The following VPS50 variants were observed in gnomAD, a reference collection of about 807,000 sequenced individuals.
VPS50 encodes the protein syndetin.
VPS50 carries 70 observed loss-of-function variants against 139.7 expected under a neutral mutation model. The observed-to-expected ratio is 0.50, with a 90% CI of 0.41 to 0.61. The LOEUF (loss-of-function observed/expected upper bound fraction) is 0.61. VPS50 is among the 20% of genes least tolerant of loss of function. The pLI, the probability that VPS50 is intolerant of heterozygous loss-of-function variation, is 0.00. For missense variants in VPS50, 921 were observed against 1,133.7 expected (o/e 0.81, Z 2.69); for synonymous variants, 365 against 376.7 (o/e 0.97, Z 0.36).
intron 2 of VPS50, among the ~76,000 whole-genome samples, chr7:93,252,324 A>G (rs778936848): frequency 2.6e-5 from 4 of 152,182 alleles, no homozygotes; most frequent in East Asian, 1.9e-4. Flanking sequence ...TAAAATTTAT[A>G]TATCTGTGAT....
At chr7:93,304,609 A>G (rs890555098) in intron 17 of VPS50, among the ~76,000 whole-genome samples, 3 of 151,900 alleles carry the variant, frequency 2.0e-5, no homozygotes, top group African/African-American at 7.2e-5. Flanking sequence ...TAGAATATCT[A>G]TTAAATAATT....
intron 5 of VPS50, 105 bp from the exon 6 acceptor site, chr7:93,257,289 G>A: frequency 1.6e-6 from 1 of 624,874 alleles, no homozygotes; most frequent in Admixed American, 3.0e-5. Context: ...TGTTTTTCAA[G>A]CAGGTTTTCT....
At chr7:93,257,314 A>G in intron 5 of VPS50, 80 bp from the exon 6 acceptor site, 1 of 786,650 alleles carries the variant, frequency 1.3e-6, no homozygotes, top group Non-Finnish European at 2.1e-6. Flanking sequence ...ATCTGACTAG[A>G]GTTTTTGTTA....
At chr7:93,344,713 T>G (rs1328500312) in intron 23 of VPS50, among the ~76,000 whole-genome samples, 2 of 150,522 alleles carry the variant, frequency 1.3e-5, no homozygotes, top group African/African-American at 5.0e-5. Context: ...AAACTGAACC[T>G]GCTCCTGAAT....
chr7:93,352,063 GA>G (rs1013832456), intron 25 of VPS50, among the ~76,000 whole-genome samples: 5 of 152,084 alleles, frequency 3.3e-5, no homozygotes, highest in Non-Finnish European at 7.4e-5. Flanking sequence ...AGAATCATAA[GA>G]AAAATGAAAT....
chr7:93,343,243 A>T (rs1470185389), intron 23 of VPS50, among the ~76,000 whole-genome samples: 1 of 152,214 alleles, frequency 6.6e-6, no homozygotes, highest in African/African-American at 2.4e-5. Context: ...GCGATGGAAG[A>T]TGAAATGAAT....
chr7:93,349,995 A>G lies in VPS50; in HGVS notation c.2425A>G (p.Met809Val). The change falls in exon 25 of 28, where the codon ATG becomes GTG. Residue 809 changes from methionine to valine, a missense_variant. Around this residue, in one of 3 missense-constraint regions of VPS50, gnomAD observed 19 missense variants for 46.8 expected, o/e 0.41. Transcript: ENST00000305866. The part of the protein sequence containing the change: ...ANVKWDVKEI[M>V]SQHNIYVDAL... ...TGTGAAATGGGATGTAAAAGAAATT[A>G]TGTCACAGCACAACATATATGTAGA... is the stretch of plus-strand genomic sequence containing the variant. The G allele has an allele frequency of 6.2e-7, 1 of 1,613,416 alleles. No homozygotes were observed. Among genetic ancestry groups the G allele is most frequent in the Non-Finnish European group, 8.5e-7 (1 of 1,179,484 alleles).
At chr7:93,263,901 AAAT>A (rs1431657104) in intron 9 of VPS50, among the ~76,000 whole-genome samples, 2 of 152,208 alleles carry the variant, frequency 1.3e-5, no homozygotes, top group African/African-American at 2.4e-5. Flanking sequence ...GCAATCATAA[AAAT>A]AATAAAAATA....
intron 6 of VPS50, 23 bp from the exon 7 acceptor site, chr7:93,258,136 C>T: frequency 1.0e-6 from 1 of 977,414 alleles, no homozygotes; most frequent in Non-Finnish European, 1.6e-6. Context: ...AAACTTTTAA[C>T]TATTTATTGT....
intron 19 of VPS50, among the ~76,000 whole-genome samples, chr7:93,309,839 GCTTAATGATAGATTT>G (rs1426541634): frequency 2.6e-5 from 4 of 151,776 alleles, no homozygotes; most frequent in Non-Finnish European, 4.4e-5. Flanking sequence ...TATACTTTTT[GCTTAATGATAGATTT>G]CTTAATGATA....
chr7:93,285,801 A>C (rs1444273260), intron 12 of VPS50, among the ~76,000 whole-genome samples: 1 of 152,186 alleles, frequency 6.6e-6, no homozygotes, highest in African/African-American at 2.4e-5. Flanking sequence ...AAATTGGATT[A>C]AGGAATGAAT....
intron 20 of VPS50, among the ~76,000 whole-genome samples, chr7:93,318,660 CT>C (rs1797502790): frequency 6.6e-6 from 1 of 152,124 alleles, no homozygotes; most frequent in Admixed American, 6.5e-5. Context: ...GTGCTTTTTA[CT>C]TTTGTAGGAA....
intron 8 of VPS50, 186 bp from the exon 9 acceptor site, chr7:93,259,364 A>G (rs1340919054): frequency 6.9e-6 from 3 of 436,596 alleles, no homozygotes; most frequent in Admixed American, 8.0e-5. Flanking sequence ...TTCTATGTAT[A>G]TATTTTAGGC....
intron 20 of VPS50, chr7:93,320,241 C>T (rs1042698216): frequency 2.7e-5 from 4 of 150,844 alleles, no homozygotes; most frequent in Non-Finnish European, 4.4e-5. Flanking sequence ...TTTATGGGGA[C>T]TGATTCTCTA....
rs1025522644 is a variant in VPS50 at position 93,360,113 on chromosome 7, A to C, written c.*1677A>C. ...ATTTAGCTGGGCACATAAAGAGCTA[A>C]TCAATCTTTTAAAATTTGCAGTTGA... is the stretch of plus-strand genomic sequence containing the variant. On this transcript the variant is annotated 3_prime_UTR_variant, in exon 28 of 28. Coordinates refer to ENST00000305866, the MANE Select transcript of VPS50 (RefSeq NM_017667.4). 5.3e-5 allele frequency: 8 copies of C among 152,140 alleles called. No homozygotes were observed. Among genetic ancestry groups the C allele is most frequent in the Non-Finnish European group, 1.2e-4 (8 of 68,020 alleles). The allele number at this position is 152,140 out of a possible 1,614,324, so 9.4% of individuals were successfully genotyped here.
chr7:93,325,558 A>G, intron 21 of VPS50, among the ~76,000 whole-genome samples: 1 of 152,094 alleles, frequency 6.6e-6, no homozygotes, highest in East Asian at 1.9e-4. Context: ...TCATCTGACA[A>G]AGGGCTAATA....
At chr7:93,345,442 CAA>C in intron 23 of VPS50, among the ~76,000 whole-genome samples, 1 of 152,204 alleles carries the variant, frequency 6.6e-6, no homozygotes, top group Non-Finnish European at 1.5e-5. Flanking sequence ...CTATTCCAAT[CAA>C]TAGAAAAAGA....
chr7:93,342,091 A>C (rs1236646107), intron 23 of VPS50, among the ~76,000 whole-genome samples: 4 of 152,180 alleles, frequency 2.6e-5, no homozygotes, highest in Non-Finnish European at 5.9e-5. Flanking sequence ...AGGGAGTGCC[A>C]GACAGTGGGC....
rs1795952703 is a variant in VPS50, at chr7:93,269,850, CT to C, written c.660-1369del. On this transcript the variant is annotated intron_variant, in intron 9 of 27. Coordinates refer to ENST00000305866, the MANE Select transcript of VPS50 (RefSeq NM_017667.4). ...CCCTTTGAGCTACTGGTATGTTCTT[CT>C]GTTATAGACACTGGATTAAGTACTA... is the stretch of plus-strand genomic sequence containing the variant. Among the ~76,000 whole-genome samples the C allele has an allele frequency of 3.3e-5, 5 of 151,978 alleles. No individual in the cohort carries two copies. In the South Asian group the frequency reaches 1.0e-3, roughly 31 times the overall value.
Sources: gnomAD v4.1 joint callset for allele counts (sites outside exome capture counted in the v4.1 genomes callset) on GRCh38, gnomAD v4.1.1 for gene constraint, gnomAD v4.1.1 regional missense constraint, MANE v1.5 for transcripts, NCBI Gene and HGNC (gene_info 2026-07-23, HGNC 2026-07-21) for gene names.